The following ENPP3 variants were observed in gnomAD, a reference collection of about 807,000 sequenced individuals.
The protein encoded by ENPP3 is ectonucleotide pyrophosphatase/phosphodiesterase family member 3.
Under a neutral mutation model 117.8 loss-of-function variants are expected in ENPP3, and 104 were observed. That is an observed-to-expected ratio of 0.88 (90% CI 0.75 to 1.04). The LOEUF is 1.04. Among genes scored for constraint, ENPP3 ranks in the 50% least tolerant of loss-of-function variants. ENPP3 has a pLI of 0.00. For missense variants in ENPP3, 1,026 were observed against 1,051.9 expected (o/e 0.98, Z 0.34); for synonymous variants, 380 against 349.9 (o/e 1.09, Z -0.96).
chr6:131,675,836 C>T (rs569818091), intron 9 of ENPP3, among the ~76,000 whole-genome samples: 13 of 152,098 alleles, frequency 8.5e-5, no homozygotes, highest in East Asian at 5.8e-4. Context: ...AGCGCGACTC[C>T]GTCTCAAATG....
intron 7 of ENPP3, among the ~76,000 whole-genome samples, chr6:131,672,995 T>C (rs1310142799): frequency 6.6e-6 from 1 of 152,132 alleles, no homozygotes; most frequent in Non-Finnish European, 1.5e-5. Flanking sequence ...ATATTTGATA[T>C]ACAGAAAGCT....
intron 5 of ENPP3, among the ~76,000 whole-genome samples, chr6:131,657,112 T>C (rs1036121273): frequency 1.3e-5 from 2 of 152,188 alleles, no homozygotes; most frequent in Non-Finnish European, 2.9e-5. Context: ...CCACTTTAAT[T>C]TCTTCATGAA....
At chr6:131,678,997 C>T (rs373096624) in intron 11 of ENPP3, among the ~76,000 whole-genome samples, 5 of 89,154 alleles carry the variant, frequency 5.6e-5, no homozygotes, top group African/African-American at 2.4e-4. Context: ...TTCCTTCCTT[C>T]CTTGCTTCCT....
At chr6:131,689,100 C>T (rs117818184) in intron 14 of ENPP3, among the ~76,000 whole-genome samples, 1,799 of 152,034 alleles carry the variant, frequency 0.012, 18 homozygotes, top group Non-Finnish European at 0.018. Context: ...GAAGCCTTCT[C>T]CATAACAGAA....
intron 12 of ENPP3, among the ~76,000 whole-genome samples, chr6:131,685,157 A>T (rs1177686638): frequency 6.6e-6 from 1 of 152,162 alleles, no homozygotes; most frequent in Non-Finnish European, 1.5e-5. Flanking sequence ...TCTGTTTATG[A>T]TACCCATCTG....
At chr6:131,706,736 T>G (rs1158022852) in intron 15 of ENPP3, among the ~76,000 whole-genome samples, 167 of 151,344 alleles carry the variant, frequency 1.1e-3, no homozygotes, top group African/African-American at 4.0e-3. Context: ...GGTGGATTAT[T>G]TTGATTGACT....
chr6:131,738,008 A>T (rs1355373400), intron 22 of ENPP3, 23 bp from the exon 23 acceptor site: 1 of 1,539,776 alleles, frequency 6.5e-7, no homozygotes, highest in Admixed American at 1.9e-5. Context: ...GACATTTTAA[A>T]CACTTTATGA....
intron 24 of ENPP3, among the ~76,000 whole-genome samples, chr6:131,744,919 T>C (rs571278236): frequency 6.6e-6 from 1 of 152,220 alleles, no homozygotes; most frequent in Admixed American, 6.5e-5. Context: ...GCGAGAGCAG[T>C]TGTCTACAGC....
chr6:131,651,147 T>C lies in ENPP3; in HGVS notation c.277+998T>C, dbSNP rs143381542. Among the ~76,000 whole-genome samples the C allele has an allele frequency of 2.0e-3, 305 of 152,284 alleles. 2 individuals are homozygous for C. Among genetic ancestry groups the C allele is most frequent in the Non-Finnish European group, 3.1e-3 (211 of 68,018 alleles). On this transcript the variant is annotated intron_variant, in intron 3 of 24. Coordinates refer to ENST00000357639, the MANE Select transcript of ENPP3 (RefSeq NM_005021.5). ...GTTGGCCAGGCTGGTGTTGAACTTCTGGCCTCAAGTGATCCCACTACCTCG... is the reference window on the plus strand; with the variant it reads ...GTTGGCCAGGCTGGTGTTGAACTTCCGGCCTCAAGTGATCCCACTACCTCG...
chr6:131,656,867 T>G (rs1039048704), intron 5 of ENPP3, among the ~76,000 whole-genome samples: 1 of 152,150 alleles, frequency 6.6e-6, no homozygotes, highest in African/African-American at 2.4e-5. Flanking sequence ...AGAATGTTCA[T>G]GTCAGCAGAA....
chr6:131,710,768 CA>C (rs1454523278), intron 15 of ENPP3: 1 of 1,612,826 alleles, frequency 6.2e-7, no homozygotes, highest in Non-Finnish European at 8.5e-7. Context: ...TCAATTAGTC[CA>C]GAAAGCGTTG....
Position 131,678,985 on chromosome 6 carries a change from C to CCTTCCTTG in ENPP3, c.1011+1052_1011+1053insGCTTCCTT, listed in dbSNP as rs1253769860. Reference sequence around the variant, plus strand: ...TCCTTCCTTCCTTCCTTCCTTCCTTCCTTCCTTCCTTCCTTGCTTCCTTCC... The same window carrying CCTTCCTTG: ...TCCTTCCTTCCTTCCTTCCTTCCTTCCTTCCTTGCTTCCTTCCTTCCTTGCTTCCTTCC... On this transcript the variant is annotated intron_variant, in intron 11 of 24. Coordinates refer to ENST00000357639, the MANE Select transcript of ENPP3 (RefSeq NM_005021.5). Among the ~76,000 whole-genome samples, 36 of 109,162 alleles carry CCTTCCTTG rather than the reference C, an allele frequency of 3.3e-4. 3 individuals carry two copies. The highest frequency in any genetic ancestry group is 1.6e-3 in the African/African-American group (32 of 19,560). 71.6% of individuals were successfully genotyped at this position (109,162 alleles called of 152,430 possible).
In ENPP3 at chr6:131,668,292, A is replaced by G. The variant is rs1778663162; in HGVS notation, c.563-2956A>G. Among the ~76,000 whole-genome samples the G allele has an allele frequency of 3.8e-5, 5 of 131,922 alleles. No individual in the cohort carries two copies. In the South Asian group the frequency reaches 1.2e-3, roughly 32 times the overall value. The allele number at this position is 131,922 out of a possible 152,430, so 86.5% of individuals were successfully genotyped here. A position where few individuals can be genotyped will look rare whatever the true frequency, so the allele number is the denominator to read the frequency against. On this transcript the variant is annotated intron_variant, in intron 6 of 24. Transcript: ENST00000357639. ...CAGTGGCACGATCTCAGCTCACTGT[A>G]ACCTCCGCTTCTCGGGTTCCAGTGA... is the stretch of plus-strand genomic sequence containing the variant.
chr6:131,725,936 C>A, intron 19 of ENPP3, 110 bp from the exon 20 acceptor site: 1 of 613,170 alleles, frequency 1.6e-6, no homozygotes, highest in Non-Finnish European at 2.8e-6. Flanking sequence ...GAGTACTTGT[C>A]ATATAATAAG....
In ENPP3 at chr6:131,740,404, A is replaced by G. The variant is rs778685208; in HGVS notation, c.2457+24A>G. ...CTGTGAGTATGCTTTGGGAGGGTCC[A>G]GGACCCGAGAAAATGAGTCAGAGCT... On this transcript the variant is annotated intron_variant, in intron 24 of 24. Coordinates refer to ENST00000357639, the MANE Select transcript of ENPP3 (RefSeq NM_005021.5). The G allele has an allele frequency of 2.3e-5, 35 of 1,509,274 alleles. No homozygotes were observed. The Admixed American group carries it at 7.6e-4, about 33-fold the overall frequency. The allele number at this position is 1,509,274 out of a possible 1,614,324, so 93.5% of individuals were successfully genotyped here. A position where few individuals can be genotyped will look rare whatever the true frequency, so the allele number is the denominator to read the frequency against.
At chr6:131,720,781 C>T (rs1380769443) in intron 17 of ENPP3, among the ~76,000 whole-genome samples, 1 of 152,030 alleles carries the variant, frequency 6.6e-6, no homozygotes, top group African/African-American at 2.4e-5. Context: ...GATGGTGTTT[C>T]ACCATGTTGG....
intron 15 of ENPP3, among the ~76,000 whole-genome samples, chr6:131,714,987 T>C (rs2114510340): frequency 6.9e-6 from 1 of 144,100 alleles, no homozygotes; most frequent in East Asian, 2.1e-4. Flanking sequence ...CACATAAAAA[T>C]TTTTCTTATT....
chr6:131,733,158 A>G (rs1206668495), intron 20 of ENPP3, among the ~76,000 whole-genome samples: 1 of 152,224 alleles, frequency 6.6e-6, no homozygotes, highest in African/African-American at 2.4e-5. Flanking sequence ...GTTGATAAAA[A>G]GTTCTTGAAC....
In ENPP3 at chr6:131,733,655, C is replaced by T. The variant is rs1780334370; in HGVS notation, c.2021C>T (p.Ser674Phe). ...CLRADVRVPPSESQKCSFYLA... is the reference protein window; with the variant it reads ...CLRADVRVPPFESQKCSFYLA... ...CGGGCTGATGTCAGGGTTCCTCCTT[C>T]TGAGAGCCAAAAATGTTCCTTCTAT... Residue 674 changes from serine to phenylalanine, a missense_variant, in exon 21 of 25, where the codon TCT becomes TTT. By Grantham distance (155) the Ser-to-Phe change is radical. Coordinates refer to ENST00000357639, the MANE Select transcript of ENPP3 (RefSeq NM_005021.5). 6.2e-7 allele frequency: 1 copy of T among 1,614,064 alleles called. No individual in the cohort carries two copies. Among genetic ancestry groups the T allele is most frequent in the African/African-American group, 1.3e-5 (1 of 74,942 alleles).
Sources: gnomAD v4.1 joint callset for allele counts (sites outside exome capture counted in the v4.1 genomes callset) on GRCh38, gnomAD v4.1.1 for gene constraint, MANE v1.5 for transcripts, NCBI Gene and HGNC (gene_info 2026-07-23, HGNC 2026-07-21) for gene names.